CIB4: variants seen among roughly 807,000 people sequenced by gnomAD.
CIB4 encodes calcium and integrin binding family member 4, also known as calcium and integrin-binding family member 4.
Under a neutral mutation model 25.8 loss-of-function variants are expected in CIB4, and 25 were observed. The observed-to-expected ratio is 0.97, with a 90% CI of 0.71 to 1.35. The LOEUF (loss-of-function observed/expected upper bound fraction) is 1.35. Among genes scored for constraint, CIB4 ranks in the 40% most tolerant of loss-of-function variants. The probability of loss-of-function intolerance (pLI) is 0.00; values close to 1 mark genes in which losing one functional copy is unlikely to be tolerated. For synonymous variants in CIB4, 75 were observed against 81.4 expected, an observed-to-expected ratio of 0.92 and a Z score of 0.42; for missense variants, 235 against 228.2, an observed-to-expected ratio of 1.03 and a Z score of -0.19.
intron 3 of CIB4, among the ~76,000 whole-genome samples, chr2:26,609,560 C>T (rs796875742): frequency 1.3e-5 from 2 of 152,026 alleles, no homozygotes; most frequent in Non-Finnish European, 2.9e-5. Flanking sequence ...ATGTAGGAGC[C>T]CCTCTTCTTG....
At chr2:26,589,575 G>A (rs888862986) in intron 4 of CIB4, among the ~76,000 whole-genome samples, 3 of 152,162 alleles carry the variant, frequency 2.0e-5, no homozygotes, top group Admixed American at 2.0e-4. Flanking sequence ...ACCCACCTCA[G>A]CCTCTCAAAG....
chr2:26,593,811 T>C (rs1448252399), intron 4 of CIB4, among the ~76,000 whole-genome samples: 1 of 152,260 alleles, frequency 6.6e-6, no homozygotes, highest in Non-Finnish European at 1.5e-5. Flanking sequence ...AGTTTAGTTC[T>C]TTTATCCTTA....
At chr2:26,624,098 A>G (rs1299963457) in intron 3 of CIB4, among the ~76,000 whole-genome samples, 3 of 152,178 alleles carry the variant, frequency 2.0e-5, no homozygotes, top group Admixed American at 1.3e-4. Context: ...CTTGTTCTCC[A>G]CTGATAGGCA....
intron 2 of CIB4, among the ~76,000 whole-genome samples, chr2:26,633,582 C>T (rs1208122504): frequency 2.6e-5 from 4 of 152,222 alleles, no homozygotes; most frequent in East Asian, 3.9e-4. Context: ...GCAGAGTGGG[C>T]GGGCTGCCCA....
At chr2:26,610,430 G>C (rs79176400) in intron 3 of CIB4, among the ~76,000 whole-genome samples, 6,020 of 152,190 alleles carry the variant, frequency 0.04, 440 homozygotes, top group East Asian at 0.33. Context: ...CTAAACCTAA[G>C]CAACTCAAAG....
At chr2:26,611,078 G>A (rs774783191) in intron 3 of CIB4, among the ~76,000 whole-genome samples, 10 of 152,222 alleles carry the variant, frequency 6.6e-5, no homozygotes, top group South Asian at 4.1e-4. Context: ...GCATTTGCTG[G>A]GGTGGCCAGA....
chr2:26,600,047 T>C (rs577489791), intron 3 of CIB4, among the ~76,000 whole-genome samples: 5 of 125,784 alleles, frequency 4.0e-5, no homozygotes, highest in Non-Finnish European at 6.6e-5. Flanking sequence ...CACTCCAGCC[T>C]GGTGACAGAG....
At chr2:26,636,953 A>T (rs1300583213) in intron 2 of CIB4, among the ~76,000 whole-genome samples, 3 of 152,020 alleles carry the variant, frequency 2.0e-5, no homozygotes, top group Non-Finnish European at 4.4e-5. Context: ...TAGTGTGTGT[A>T]GGCCGTTTTT....
chr2:26,629,482 G>C lies in CIB4; in HGVS notation c.114C>G (p.Leu38=). The C allele has an allele frequency of 1.3e-6, 2 of 1,576,276 alleles. No individual in the cohort carries two copies. The highest frequency in any genetic ancestry group is 1.7e-6 in the Non-Finnish European group (2 of 1,160,292). ...ILCIHDTFLK[L]CPPGKYYKEA... is the part of the protein sequence containing the mutation. ...CCTTGTAGTACTTCCCAGGAGGGCA[G>C]AGCTTCAGGAAGGTGTCATGGATGC... Residue 38 remains leucine, a synonymous_variant, in exon 3 of 7, where the codon CTC becomes CTG. Coordinates refer to ENST00000288861, the MANE Select transcript of CIB4 (RefSeq NM_001029881.3).
intron 4 of CIB4, among the ~76,000 whole-genome samples, chr2:26,594,679 CAG>C (rs1668645230): frequency 6.6e-6 from 1 of 152,180 alleles, no homozygotes; most frequent in Non-Finnish European, 1.5e-5. Context: ...AGAACTTCAG[CAG>C]AGTCTTGTGA....
At chr2:26,632,740 A>G (rs1008451946) in intron 2 of CIB4, among the ~76,000 whole-genome samples, 11 of 149,260 alleles carry the variant, frequency 7.4e-5, no homozygotes, top group African/African-American at 2.7e-4. Context: ...CTTGGGCGAC[A>G]GAGTGAGACT....
Position 26,582,805 on chromosome 2 carries a change from C to A in CIB4, c.527+20G>T, listed in dbSNP as rs994165847. ...CCCACCACTCTCCTGGACAGTCTCACCCCCTCCAGAATGCCTTACTTCATG... is the reference window on the plus strand; with the variant it reads ...CCCACCACTCTCCTGGACAGTCTCAACCCCTCCAGAATGCCTTACTTCATG... On this transcript the variant is annotated intron_variant, in intron 6 of 6. Coordinates refer to ENST00000288861, the MANE Select transcript of CIB4 (RefSeq NM_001029881.3). The A allele has an allele frequency of 1.0e-5, 16 of 1,527,626 alleles. No homozygotes were observed. The highest frequency in any genetic ancestry group is 1.4e-5 in the African/African-American group (1 of 73,200). The allele number at this position is 1,527,626 out of a possible 1,614,324, so 94.6% of individuals were successfully genotyped here.
At chr2:26,587,964 G>A (rs1668487933) in intron 4 of CIB4, among the ~76,000 whole-genome samples, 1 of 152,222 alleles carries the variant, frequency 6.6e-6, no homozygotes, top group African/African-American at 2.4e-5. Flanking sequence ...GGCAGGATAT[G>A]GGTGTGGAAG....
chr2:26,629,264 T>G lies in CIB4; in HGVS notation c.186+146A>C, dbSNP rs1669368608. On this transcript the variant is annotated intron_variant, in intron 3 of 6. Coordinates refer to ENST00000288861, the MANE Select transcript of CIB4 (RefSeq NM_001029881.3). ...TGGGAGCCATGTCCTTGCACTCCTCTGCCTGGAGGATCAGGAGCCCCTTGG... is the reference window on the plus strand; with the variant it reads ...TGGGAGCCATGTCCTTGCACTCCTCGGCCTGGAGGATCAGGAGCCCCTTGG... 3.0e-5 allele frequency: 19 copies of G among 633,294 alleles called. No individual in the cohort carries two copies. The East Asian group carries it at 5.2e-4, about 17-fold the overall frequency. The allele number at this position is 633,294 out of a possible 1,614,324, so 39.2% of individuals were successfully genotyped here.
intron 2 of CIB4, among the ~76,000 whole-genome samples, chr2:26,629,871 G>A (rs569029059): frequency 3.9e-5 from 6 of 152,268 alleles, no homozygotes; most frequent in Admixed American, 6.5e-5. Context: ...CCTCGGTTAC[G>A]GATGGGGAAG....
At chr2:26,641,203 T>C in intron 1 of CIB4, 58 bp downstream of exon 1, 1 of 1,445,822 alleles carries the variant, frequency 6.9e-7, no homozygotes, top group Non-Finnish European at 9.7e-7. Flanking sequence ...TCCCATTCAT[T>C]CCACCTGCTT....
At chr2:26,595,901 A>G (rs1002215367) in intron 3 of CIB4, among the ~76,000 whole-genome samples, 14 of 9,108 alleles carry the variant, frequency 1.5e-3, no homozygotes, top group African/African-American at 1.7e-3. Context: ...CTGCGCGCAC[A>G]CACACACACA....
intron 3 of CIB4, among the ~76,000 whole-genome samples, chr2:26,620,962 C>T (rs1216918372): frequency 2.0e-5 from 3 of 150,478 alleles, no homozygotes; most frequent in Non-Finnish European, 4.4e-5. Flanking sequence ...GAAAGAAGAG[C>T]AAAAAGGCAA....
intron 2 of CIB4, among the ~76,000 whole-genome samples, chr2:26,640,181 G>C (rs1038392925): frequency 5.9e-5 from 9 of 152,306 alleles, no homozygotes; most frequent in African/African-American, 1.4e-4. Context: ...CCAGCCAGTG[G>C]ACAGCCAAAA....
Sources: gnomAD v4.1 joint callset for allele counts (sites outside exome capture counted in the v4.1 genomes callset) on GRCh38, gnomAD v4.1.1 for gene constraint, MANE v1.5 for transcripts, NCBI Gene and HGNC (gene_info 2026-07-23, HGNC 2026-07-21) for gene names.